Variants in KLRG1 observed in about 807,000 individuals in gnomAD.
The protein encoded by KLRG1 is killer cell lectin like receptor G1, also known as killer cell lectin-like receptor subfamily G member 1.
A neutral mutation model predicts 21.8 loss-of-function variants in KLRG1; 16 were observed. That is an observed-to-expected ratio of 0.73 (90% CI 0.50 to 1.11). KLRG1 has a LOEUF of 1.11. KLRG1 is among the 50% of genes most tolerant of loss of function. The probability of loss-of-function intolerance (pLI) is 0.00; values close to 1 mark genes in which losing one functional copy is unlikely to be tolerated. For synonymous variants in KLRG1, 69 were observed against 75.9 expected (o/e 0.91, Z 0.47); for missense variants, 173 against 218.3 (o/e 0.79, Z 1.31).
the KLRG1 span, among the ~76,000 whole-genome samples, chr12:9,131,647 A>AG: frequency 8.5e-5 from 13 of 152,210 alleles, no homozygotes; most frequent in Non-Finnish European, 1.8e-4. Context: ...AACAGTACCT[A>AG]GCACGCACTG....
the KLRG1 span, chr12:9,202,297 A>C: frequency 3.1e-6 from 5 of 1,602,834 alleles, no homozygotes; most frequent in Non-Finnish European, 4.3e-6. Flanking sequence ...CACAACCCAA[A>C]CCACAGATAG....
At chr12:8,967,327 ATACTTT>A in intron 1 of KLRG1, among the ~76,000 whole-genome samples, 1 of 152,260 alleles carries the variant, frequency 6.6e-6, no homozygotes, top group East Asian at 1.9e-4. Flanking sequence ...CTAAAACTTT[ATACTTT>A]AAGTTTTATA....
In KLRG1 at chr12:8,995,273, G is replaced by A. The variant is rs763111871; in HGVS notation, c.342G>A (p.Thr114=). 15 of 1,605,752 alleles carry A rather than the reference G, an allele frequency of 9.3e-6. No homozygotes were observed. Among genetic ancestry groups the A allele is most frequent in the Admixed American group, 5.2e-5 (3 of 57,646 alleles). Reference sequence around the variant, plus strand: ...GAGACTCACACCTCCTTGTGATAACGGACAATCAGGAAATGGTAAATGCAA... The same window carrying A: ...GAGACTCACACCTCCTTGTGATAACAGACAATCAGGAAATGGTAAATGCAA... ...LARDSHLLVI[T]DNQEMSLLQV... The change falls in exon 3 of 5, where the codon ACG becomes ACA. Residue 114 remains threonine (T), a synonymous_variant. Transcript: ENST00000356986.
the KLRG1 span, among the ~76,000 whole-genome samples, chr12:9,125,519 T>C: frequency 6.6e-6 from 1 of 152,206 alleles, no homozygotes; most frequent in Admixed American, 6.5e-5. Context: ...GTTAATGATA[T>C]ATTTTTAATC....
At chr12:9,099,934 A>G in the KLRG1 span, among the ~76,000 whole-genome samples, 1 of 152,248 alleles carries the variant, frequency 6.6e-6, no homozygotes, top group Non-Finnish European at 1.5e-5. Flanking sequence ...GAGGAACACC[A>G]TGCTCCTTCA....
At chr12:9,161,568 A>G in the KLRG1 span, among the ~76,000 whole-genome samples, 3 of 152,170 alleles carry the variant, frequency 2.0e-5, no homozygotes, top group Non-Finnish European at 4.4e-5. Flanking sequence ...TAGTGGGGGA[A>G]CTATCGCTCT....
the KLRG1 span, among the ~76,000 whole-genome samples, chr12:9,182,509 G>C: frequency 4.6e-5 from 7 of 152,166 alleles, no homozygotes; most frequent in African/African-American, 1.7e-4. Flanking sequence ...GATATAATAA[G>C]TTTATTTTGT....
chr12:9,203,793 T>C, the KLRG1 span: 1 of 1,614,032 alleles, frequency 6.2e-7, no homozygotes, highest in Non-Finnish European at 8.5e-7. Context: ...GTGGAATAAG[T>C]CCTTCTCCGC....
the KLRG1 span, chr12:9,181,072 C>T: frequency 4.9e-5 from 79 of 1,614,050 alleles, no homozygotes; most frequent in Non-Finnish European, 6.2e-5. Flanking sequence ...GGAGCAGCTG[C>T]TACTTGCAGG....
downstream of KLRG1, among the ~76,000 whole-genome samples, chr12:9,011,652 G>C (rs1167976132): frequency 6.6e-6 from 1 of 152,160 alleles, no homozygotes; most frequent in Non-Finnish European, 1.5e-5. Flanking sequence ...ACCTTCATAA[G>C]AACCAAAAAT....
At chr12:9,083,737 A>G in the KLRG1 span, among the ~76,000 whole-genome samples, 1 of 147,452 alleles carries the variant, frequency 6.8e-6, no homozygotes, top group African/African-American at 2.5e-5. Context: ...ATAATGAAAA[A>G]AAAGAGTATA....
At chr12:9,087,551 C>G in the KLRG1 span, among the ~76,000 whole-genome samples, 1 of 151,852 alleles carries the variant, frequency 6.6e-6, no homozygotes, top group African/African-American at 2.4e-5. Context: ...AAGTCTCAGA[C>G]AGAAGGAATA....
the KLRG1 span, among the ~76,000 whole-genome samples, chr12:9,128,964 C>T: frequency 2.6e-5 from 4 of 152,180 alleles, no homozygotes; most frequent in South Asian, 2.1e-4. Flanking sequence ...CAGAGTACTA[C>T]ACACCTGGAC....
At chr12:9,092,276 C>T in the KLRG1 span, among the ~76,000 whole-genome samples, 4 of 152,160 alleles carry the variant, frequency 2.6e-5, no homozygotes, top group Non-Finnish European at 5.9e-5. Context: ...GTTTACAGCT[C>T]GTACCTAAGG....
chr12:9,101,664 T>C, the KLRG1 span: 1 of 1,611,048 alleles, frequency 6.2e-7, no homozygotes, highest in South Asian at 1.1e-5. Flanking sequence ...ACTACGATCC[T>C]TGTAATTGAC....
At chr12:9,113,247 G>T in the KLRG1 span, 1 of 1,079,094 alleles carries the variant, frequency 9.3e-7, no homozygotes, top group Non-Finnish European at 1.3e-6. Flanking sequence ...GCTACATTTG[G>T]ATTCCTTCCT....
At chr12:9,072,969 T>C in the KLRG1 span, 2 of 862,164 alleles carry the variant, frequency 2.3e-6, no homozygotes. Flanking sequence ...TTTGATTTCC[T>C]ACTTCCCTCA....
At chr12:8,976,597 TC>T (rs1946660801) in intron 1 of KLRG1, among the ~76,000 whole-genome samples, 1 of 152,232 alleles carries the variant, frequency 6.6e-6, no homozygotes, top group Non-Finnish European at 1.5e-5. Context: ...TGTCAATTTC[TC>T]CCTTCAAATC....
At chr12:9,162,047 C>T in the KLRG1 span, among the ~76,000 whole-genome samples, 1 of 152,070 alleles carries the variant, frequency 6.6e-6, no homozygotes, top group African/African-American at 2.4e-5. Flanking sequence ...CTGCAACCTC[C>T]CCCTGCCCGG....
Sources: gnomAD v4.1 joint callset for allele counts (sites outside exome capture counted in the v4.1 genomes callset) on GRCh38, gnomAD v4.1.1 for gene constraint, MANE v1.5 for transcripts, NCBI Gene and HGNC (gene_info 2026-07-23, HGNC 2026-07-21) for gene names.